Variants in APC2 observed in about 807,000 individuals in gnomAD.
The protein encoded by APC2 is adenomatous polyposis coli protein 2.
APC2 carries 41 observed loss-of-function variants against 72.5 expected under a neutral mutation model. The observed-to-expected ratio is 0.57, with a 90% CI of 0.44 to 0.73. The LOEUF (loss-of-function observed/expected upper bound fraction) is 0.73. Among genes scored for constraint, APC2 ranks in the 30% least tolerant of loss-of-function variants. APC2 has a pLI of 0.00. For missense variants in APC2, 3,729 were observed against 3,403.4 expected (o/e 1.10, Z -2.38); for synonymous variants, 1,898 against 1,612.0 (o/e 1.18, Z -4.25).
chr19:1,450,178 G>A lies in APC2; in HGVS notation c.-179G>A, dbSNP rs1317819134. On this transcript the variant is annotated 5_prime_UTR_variant, in exon 1 of 15. Transcript: ENST00000590469. ...CGCCGCCTGCCCAGGCCCGGACCGG[G>A]CTTTGTCCGCCCCGGAGCCCCTGCC... is the stretch of plus-strand genomic sequence containing the variant. 5 of 985,112 alleles carry A rather than the reference G, an allele frequency of 5.1e-6. No individual in the cohort carries two copies. In the African/African-American group the frequency reaches 8.7e-5, roughly 17 times the overall value. 61.0% of individuals were successfully genotyped at this position (985,112 alleles called of 1,614,324 possible). A position where few individuals can be genotyped will look rare whatever the true frequency, so the allele number is the denominator to read the frequency against.
chr19:1,447,643 G>C (rs2083699247), upstream of APC2, among the ~76,000 whole-genome samples: 1 of 151,502 alleles, frequency 6.6e-6, no homozygotes, highest in Admixed American at 6.6e-5. Context: ...GGATTTACAG[G>C]GTCGAGGATT....
chr19:1,458,146 G>A lies in APC2; in HGVS notation c.1303+86G>A, dbSNP rs559375014. 367 of 1,273,940 alleles carry A rather than the reference G, an allele frequency of 2.9e-4. 5 individuals are homozygous for A. The South Asian group carries it at 4.6e-3, about 16-fold the overall frequency. 78.9% of individuals were successfully genotyped at this position (1,273,940 alleles called of 1,614,324 possible). A position where few individuals can be genotyped will look rare whatever the true frequency, so the allele number is the denominator to read the frequency against. On this transcript the variant is annotated intron_variant, in intron 10 of 14. Transcript: ENST00000590469. ...CGGCCGCTAAAGGGACACAGGCTGG[G>A]TCATCTGAGCTTGGGCTGGGGATTG...
Position 1,453,061 on chromosome 19 carries a change from T to C in APC2, c.60T>C (p.Ala20=), listed in dbSNP as rs779742342. 4 of 1,610,766 alleles carry C rather than the reference T, an allele frequency of 2.5e-6. No homozygotes were observed. Among genetic ancestry groups the C allele is most frequent in the Non-Finnish European group, 3.4e-6 (4 of 1,179,682 alleles). Residue 20 remains alanine (A), a synonymous_variant, in exon 2 of 15, where the codon GCT becomes GCC. Transcript: ENST00000590469. ...QLVRQVEALK[A]ENSHLRQELR... is the part of the protein sequence containing the mutation. The stretch of plus-strand genomic sequence containing the variant: ...TGAGGCAGGTGGAGGCCTTGAAGGC[T>C]GAGAACAGCCACCTGAGGCAGGAGC...
At position 1,471,488 on chromosome 19, in the gene APC2, G is replaced by A. The variant is rs957466513; in HGVS notation, c.*1275G>A. On this transcript the variant is annotated 3_prime_UTR_variant, in exon 15 of 15. Transcript: ENST00000590469. ...GGGCTCGGCTGCCTCATCCCCTGGC[G>A]GGGGAGGCTGGGAGCTGGGCCTCCT... is the stretch of plus-strand genomic sequence containing the variant. The A allele has an allele frequency of 6.6e-6, 1 of 152,264 alleles. No homozygotes were observed. Among genetic ancestry groups the A allele is most frequent in the South Asian group, 2.1e-4 (1 of 4,836 alleles). The allele number at this position is 152,264 out of a possible 1,614,324, so 9.4% of individuals were successfully genotyped here.
chr19:1,461,167 G>A lies in APC2; in HGVS notation c.1638+14G>A, dbSNP rs1292815712. The A allele has an allele frequency of 1.2e-6, 2 of 1,601,070 alleles. No homozygotes were observed. Among genetic ancestry groups the A allele is most frequent in the Admixed American group, 1.7e-5 (1 of 60,002 alleles). ...CGGGCCACCAAGGTGGGCACCCGGT[G>A]GGCGGCAGGGATGCTTCTTCAGTCA... On this transcript the variant is annotated intron_variant, in intron 13 of 14. Transcript: ENST00000590469.
chr19:1,466,481 G>A lies in APC2; in HGVS notation c.3180G>A (p.Ala1060=), dbSNP rs772140440. 54 of 1,597,762 alleles carry A rather than the reference G, an allele frequency of 3.4e-5. No homozygotes were observed. Among genetic ancestry groups the A allele is most frequent in the Non-Finnish European group, 4.2e-5 (50 of 1,179,400 alleles). Residue 1060 remains alanine, a synonymous_variant, in exon 15 of 15, where the codon GCG becomes GCA. Transcript: ENST00000590469. Reference sequence around the variant, plus strand: ...GCAAGGCACTGCAGAAACTGGCGGCGCAAGAGGGGCCACTCTCGCTGTCCC... The same window carrying A: ...GCAAGGCACTGCAGAAACTGGCGGCACAAGAGGGGCCACTCTCGCTGTCCC... ...VASKALQKLA[A]QEGPLSLSRC... is the part of the protein sequence containing the mutation.
Position 1,457,188 on chromosome 19 carries a change from C to T in APC2, c.1152C>T (p.Cys384=). The change falls in exon 9 of 15, where the codon TGC becomes TGT. Residue 384 remains cysteine, a synonymous_variant. Coordinates refer to ENST00000590469, the MANE Select transcript of APC2 (RefSeq NM_005883.3). ...AGATCCGGGCCTACTGCGAGACCTG[C>T]TGGGACTGGCTGCAGGCCCGAGACG... ...LEQIRAYCET[C]WDWLQARDGG... 1 of 1,565,492 alleles carries T rather than the reference C, an allele frequency of 6.4e-7. No individual in the cohort carries two copies. Among genetic ancestry groups the T allele is most frequent in the South Asian group, 1.2e-5 (1 of 85,208 alleles).
At chr19:1,460,976 G>A in intron 12 of APC2, 61 bp from the exon 13 acceptor site, 4 of 1,601,514 alleles carry the variant, frequency 2.5e-6, no homozygotes, top group Non-Finnish European at 3.4e-6. Context: ...ACTCACATTT[G>A]CTGGGGGGTT....
At position 1,469,394 on chromosome 19, in the gene APC2, C is replaced by G. The variant is rs2084090520; in HGVS notation, c.6093C>G (p.Pro2031=). ...GCGCCTCGCCCCGCCGCGGCCGGCC[C>G]GCGCTGCCCGCCGTCTTCCTCTGCT... ...PQGASPRRGR[P]ALPAVFLCSS... Residue 2031 remains proline, a synonymous_variant, in exon 15 of 15, where the codon CCC becomes CCG. Transcript: ENST00000590469. 3.3e-6 allele frequency: 4 copies of G among 1,213,806 alleles called. No individual in the cohort carries two copies. The highest frequency in any genetic ancestry group is 2.9e-5 in the South Asian group (1 of 34,922). 75.2% of individuals were successfully genotyped at this position (1,213,806 alleles called of 1,614,324 possible). A position where few individuals can be genotyped will look rare whatever the true frequency, so the allele number is the denominator to read the frequency against.
rs111785981 is a variant in APC2, at chr19:1,452,611, G to T, written c.-18-373G>T. On this transcript the variant is annotated intron_variant, in intron 1 of 14. Transcript: ENST00000590469. This position sits in a 1 kb window ranked among gnomAD's most constrained non-coding sequence, Gnocchi z 5.1. ...CTGGGCTGGCCAGTCGGCTTGCTGG[G>T]TTAGGCTGTCCCAGCTGTCTGTGTG... 310 of 207,786 alleles carry T rather than the reference G, an allele frequency of 1.5e-3. 2 individuals are homozygous for T. Among genetic ancestry groups the T allele is most frequent in the African/African-American group, 6.7e-3 (290 of 43,166 alleles). The allele number at this position is 207,786 out of a possible 1,614,324, so 12.9% of individuals were successfully genotyped here.
Position 1,467,108 on chromosome 19 carries a change from C to T in APC2, c.3807C>T (p.Asp1269=), listed in dbSNP as rs772905617. The T allele has an allele frequency of 1.2e-6, 2 of 1,601,688 alleles. No individual in the cohort carries two copies. The highest frequency in any genetic ancestry group is 8.5e-7 in the Non-Finnish European group (1 of 1,173,558). Reference sequence around the variant, plus strand: ...TGCGCTTTACCGTGGAGAAGCCAGACGAGAACTTCTCGTGCGCCTCCAGCC... The same window carrying T: ...TGCGCTTTACCGTGGAGAAGCCAGATGAGAACTTCTCGTGCGCCTCCAGCC... ...GSVRFTVEKP[D]ENFSCASSLS... is the part of the protein sequence containing the mutation. The change falls in exon 15 of 15, where the codon GAC becomes GAT. Residue 1269 remains aspartate, a synonymous_variant. Coordinates refer to ENST00000590469, the MANE Select transcript of APC2 (RefSeq NM_005883.3).
chr19:1,461,340 T>A (rs1234923394), intron 13 of APC2, 187 bp downstream of exon 13: 2 of 612,890 alleles, frequency 3.3e-6, no homozygotes, highest in Non-Finnish European at 5.8e-6. Context: ...AAATGTGGGC[T>A]GGGCGCCGTG....
intron 10 of APC2, 130 bp from the exon 11 acceptor site, chr19:1,460,051 G>C (rs2083898419): frequency 7.9e-7 from 1 of 1,266,546 alleles, no homozygotes; most frequent in South Asian, 1.4e-5. Context: ...TCTCAGACTT[G>C]GGCCTGGAAG....
intron 14 of APC2, among the ~76,000 whole-genome samples, chr19:1,463,524 A>C (rs1352524655): frequency 1.3e-5 from 2 of 151,142 alleles, no homozygotes; most frequent in Non-Finnish European, 2.9e-5. Context: ...CGGAGGTTGC[A>C]GTGTGCCAGG....
Position 1,452,428 on chromosome 19 carries a change from C to T in APC2, c.-18-556C>T, listed in dbSNP as rs1599129936. The T allele has an allele frequency of 6.2e-6, 1 of 162,338 alleles. No homozygotes were observed. The highest frequency in any genetic ancestry group is 1.9e-4 in the East Asian group (1 of 5,360). The allele number at this position is 162,338 out of a possible 1,614,324, so 10.1% of individuals were successfully genotyped here. A position where few individuals can be genotyped will look rare whatever the true frequency, so the allele number is the denominator to read the frequency against. On this transcript the variant is annotated intron_variant, in intron 1 of 14. Coordinates refer to ENST00000590469, the MANE Select transcript of APC2 (RefSeq NM_005883.3). This position sits in a 1 kb window ranked among gnomAD's most constrained non-coding sequence, Gnocchi z 5.1. ...GTTTCTGCACAGCTTAGGTGTCACC[C>T]ACTGGCCTTCGTGGTGTTTTCATTG...
Position 1,455,155 on chromosome 19 carries a change from C to T in APC2, c.420C>T (p.Phe140=), listed in dbSNP as rs959782685. Residue 140 remains phenylalanine, a synonymous_variant, in exon 5 of 15, where the codon TTC becomes TTT. Transcript: ENST00000590469. ...CCGCTGACTTGCTCCCCAGGTGTTT[C>T]CTGCTGAATGAGATTGAGAAGGAGG... The part of the protein sequence containing the change: ...LLEELDRERC[F]LLNEIEKEEK... 6.4e-7 allele frequency: 1 copy of T among 1,574,530 alleles called. No individual in the cohort carries two copies. The highest frequency in any genetic ancestry group is 2.4e-5 in the East Asian group (1 of 42,418).
chr19:1,455,469 G>T lies in APC2; in HGVS notation c.608G>T (p.Gly203Val), dbSNP rs1305624307. 3.1e-6 allele frequency: 5 copies of T among 1,604,302 alleles called. No homozygotes were observed. Among genetic ancestry groups the T allele is most frequent in the Non-Finnish European group, 4.3e-6 (5 of 1,175,944 alleles). ...HIRSLMEERF[G>V]TSDEMVQRAQ... Reference sequence around the variant, plus strand: ...CGCTCGCTGATGGAGGAGCGCTTCGGCACCTCGGACGAGATGGTGCAGCGG... The same window carrying T: ...CGCTCGCTGATGGAGGAGCGCTTCGTCACCTCGGACGAGATGGTGCAGCGG... Residue 203 changes from glycine (G) to valine (V), a missense_variant, in exon 6 of 15, where the codon GGC (glycine) becomes GTC (valine). Gly to Val is a moderately radical substitution (Grantham distance 109). Transcript: ENST00000590469.
rs752710101 is a variant in APC2, at chr19:1,453,219, CTTCCCGCCCTCT to C, written c.142-18_142-7del. 85 of 1,558,960 alleles carry C rather than the reference CTTCCCGCCCTCT, an allele frequency of 5.5e-5. No homozygotes were observed. Among genetic ancestry groups the C allele is most frequent in the Non-Finnish European group, 7.3e-5 (84 of 1,151,814 alleles). On this transcript the variant is annotated splice_polypyrimidine_tract_variant and intron_variant, in intron 2 of 14. Coordinates refer to ENST00000590469, the MANE Select transcript of APC2 (RefSeq NM_005883.3). Reference sequence around the variant, plus strand: ...GGCAGCCCAGTGCAGTGGCTGATGGCTTCCCGCCCTCTTTCCCGCCCCTGCAGGAGGTCCTGA... The same window carrying C: ...GGCAGCCCAGTGCAGTGGCTGATGGCTTCCCGCCCCTGCAGGAGGTCCTGA...
chr19:1,462,253 T>G, intron 14 of APC2, 76 bp downstream of exon 14: 1 of 1,347,346 alleles, frequency 7.4e-7, no homozygotes. Context: ...GGCACTGTCC[T>G]CCCGTGAATG....
Sources: gnomAD v4.1 joint callset for allele counts (sites outside exome capture counted in the v4.1 genomes callset) on GRCh38, gnomAD v4.1.1 for gene constraint, Gnocchi (gnomAD v3.1) non-coding constraint, MANE v1.5 for transcripts, NCBI Gene and HGNC (gene_info 2026-07-23, HGNC 2026-07-21) for gene names.